Variants in FAAH2 observed in about 807,000 individuals in gnomAD.
FAAH2 encodes fatty-acid amide hydrolase 2.
Under a neutral mutation model 36.9 loss-of-function variants are expected in FAAH2, and 60 were observed. The observed-to-expected ratio is 1.63, with a 90% confidence interval of 1.32 to 2.02. The LOEUF (loss-of-function observed/expected upper bound fraction) is 2.02. FAAH2 is among the 30% of genes most tolerant of loss of function. The pLI, the probability that FAAH2 is intolerant of heterozygous loss-of-function variation, is 0.00. For missense variants in FAAH2, 689 were observed against 397.5 expected (o/e 1.73, Z -6.23); for synonymous variants, 214 against 143.8 (o/e 1.49, Z -3.49).
intron 10 of FAAH2, among the ~76,000 whole-genome samples, chrX:57,455,988 C>G (rs1166904849): frequency 8.9e-6 from 1 of 111,737 alleles, no homozygotes; most frequent in African/African-American, 3.3e-5. Flanking sequence ...CACACAACAA[C>G]CACAGAATAT....
At chrX:57,393,474 G>T (rs1477147181) in intron 7 of FAAH2, 22 of 924,877 alleles carry the variant, frequency 2.4e-5, no homozygotes, top group Non-Finnish European at 3.1e-5. Context: ...GGGCCAACAA[G>T]CTAGAGTGTG....
intron 10 of FAAH2, among the ~76,000 whole-genome samples, chrX:57,455,414 C>T (rs1403527323): frequency 9.0e-6 from 1 of 111,066 alleles, no homozygotes; most frequent in Admixed American, 9.6e-5. Context: ...AAACAGTCAA[C>T]AACATGATGA....
At chrX:57,263,283 A>T in the FAAH2 span, among the ~76,000 whole-genome samples, 21 of 111,860 alleles carry the variant, frequency 1.9e-4, no homozygotes, top group African/African-American at 6.5e-4. Context: ...CAAAATTTAG[A>T]TGTATGTCTA....
chrX:57,440,819 T>A (rs760815282), intron 8 of FAAH2, among the ~76,000 whole-genome samples: 1 of 111,983 alleles, frequency 8.9e-6, no homozygotes, highest in African/African-American at 3.2e-5. Context: ...GAAGGGCTGT[T>A]GAATTTTGTC....
chrX:57,152,910 T>TC, the FAAH2 span, among the ~76,000 whole-genome samples: 153 of 105,945 alleles, frequency 1.4e-3, no homozygotes, highest in East Asian at 8.2e-3. Context: ...CCACCTTGGC[T>TC]CCCCCCCCGC....
intron 10 of FAAH2, among the ~76,000 whole-genome samples, chrX:57,477,283 C>A (rs1159443672): frequency 7.3e-5 from 8 of 109,809 alleles, no homozygotes; most frequent in East Asian, 2.9e-4. Context: ...TTAAAAGACA[C>A]AATAATATAA....
At chrX:57,452,191 A>C in intron 10 of FAAH2, 1 of 754,419 alleles carries the variant, frequency 1.3e-6, no homozygotes, top group Non-Finnish European at 1.6e-6. Context: ...CATTGGCCAT[A>C]CAGCATTTTA....
rs201533988 is a variant in FAAH2, at chrX:57,419,985, C to T, written c.997-11933C>T. Among the ~76,000 whole-genome samples the T allele has an allele frequency of 7.2e-5, 8 of 111,521 alleles. No individual in the cohort carries two copies. The East Asian group carries it at 2.3e-3, about 31-fold the overall frequency. On this transcript the variant is annotated intron_variant, in intron 7 of 10. Transcript: ENST00000374900. Reference sequence around the variant, plus strand: ...ATTTATTAAATAGAGAATCCTTTCCCCATTTCTGGTTTTTCTCAGGTTTGT... The same window carrying T: ...ATTTATTAAATAGAGAATCCTTTCCTCATTTCTGGTTTTTCTCAGGTTTGT...
At chrX:57,129,064 C>A in the FAAH2 span, among the ~76,000 whole-genome samples, 1 of 111,858 alleles carries the variant, frequency 8.9e-6, no homozygotes, top group Non-Finnish European at 1.9e-5. Context: ...GAAGTGGAAA[C>A]AAGCTTCTTG....
At chrX:57,410,874 C>T (rs2055680515) in intron 7 of FAAH2, among the ~76,000 whole-genome samples, 1 of 111,609 alleles carries the variant, frequency 9.0e-6, no homozygotes, top group Admixed American at 9.6e-5. Flanking sequence ...TTGTAGCTCG[C>T]TGAGATTCTT....
chrX:57,149,414 G>A, the FAAH2 span, among the ~76,000 whole-genome samples: 30 of 111,469 alleles, frequency 2.7e-4, no homozygotes, highest in Admixed American at 2.2e-3. Context: ...GTAAGCTATT[G>A]ATTATTGCCA....
At chrX:57,436,415 G>A (rs942367122) in intron 8 of FAAH2, among the ~76,000 whole-genome samples, 2 of 109,412 alleles carry the variant, frequency 1.8e-5, no homozygotes, top group Admixed American at 9.8e-5. Context: ...AAAGGTAGAA[G>A]TACAAAGGGT....
intron 8 of FAAH2, among the ~76,000 whole-genome samples, chrX:57,439,641 T>A (rs1383222949): frequency 1.8e-5 from 2 of 111,753 alleles, no homozygotes; most frequent in Admixed American, 9.5e-5. Context: ...TTTTGTTGCC[T>A]TTGCTTTTGG....
At chrX:57,396,754 T>C (rs762247389) in intron 7 of FAAH2, among the ~76,000 whole-genome samples, 34 of 111,884 alleles carry the variant, frequency 3.0e-4, no homozygotes, top group African/African-American at 1.0e-3. Flanking sequence ...TGGCCAAGCA[T>C]GTAGTTAATT....
intron 10 of FAAH2, among the ~76,000 whole-genome samples, chrX:57,478,974 CT>C (rs1422098385): frequency 9.0e-6 from 1 of 111,449 alleles, no homozygotes; most frequent in African/African-American, 3.3e-5. Context: ...AATGTGGGCT[CT>C]TTTTTGGTTC....
At chrX:57,272,720 A>C in the FAAH2 span, among the ~76,000 whole-genome samples, 1 of 112,425 alleles carries the variant, frequency 8.9e-6, no homozygotes, top group African/African-American at 3.2e-5. Context: ...GGATTTTGTC[A>C]CCGCTAGATC....
At chrX:57,352,851 T>C (rs1207518197) in intron 5 of FAAH2, among the ~76,000 whole-genome samples, 1 of 110,984 alleles carries the variant, frequency 9.0e-6, no homozygotes, top group African/African-American at 3.2e-5. Context: ...ATCTCATTTA[T>C]GATAGTTACA....
chrX:57,383,943 C>T (rs1160942615), intron 7 of FAAH2, among the ~76,000 whole-genome samples: 3 of 111,771 alleles, frequency 2.7e-5, no homozygotes, highest in Non-Finnish European at 3.8e-5. Context: ...ACTACAGTAA[C>T]CAAAACAGCA....
chrX:57,375,267 C>G (rs1381429917), intron 5 of FAAH2, among the ~76,000 whole-genome samples: 1 of 105,856 alleles, frequency 9.4e-6, no homozygotes, highest in East Asian at 2.9e-4. Context: ...CCTTCTTTCT[C>G]TATCTTGTGG....
Sources: gnomAD v4.1 joint callset for allele counts (sites outside exome capture counted in the v4.1 genomes callset) on GRCh38, gnomAD v4.1.1 for gene constraint, MANE v1.5 for transcripts, NCBI Gene and HGNC (gene_info 2026-07-23, HGNC 2026-07-21) for gene names.